The following BIRC6 variants were observed in gnomAD, a reference collection of about 807,000 sequenced individuals.
BIRC6 encodes dual E2 ubiquitin-conjugating enzyme/E3 ubiquitin-protein ligase BIRC6.
BIRC6 carries 98 observed loss-of-function variants against 503.3 expected under a neutral mutation model. That is an observed-to-expected ratio of 0.19 (90% CI 0.17 to 0.23). The LOEUF is 0.23. Among genes scored for constraint, BIRC6 ranks in the 10% least tolerant of loss-of-function variants. The pLI, the probability that BIRC6 is intolerant of heterozygous loss-of-function variation, is 1.00. For synonymous variants in BIRC6, 2,240 were observed against 2,078.7 expected, an observed-to-expected ratio of 1.08 and a Z score of -2.11; for missense variants, 5,360 against 5,806.0, an observed-to-expected ratio of 0.92 and a Z score of 2.50.
intron 61 of BIRC6, among the ~76,000 whole-genome samples, chr2:32,536,627 A>T (rs1337366969): frequency 2.6e-5 from 4 of 152,116 alleles, no homozygotes; most frequent in Non-Finnish European, 4.4e-5. Flanking sequence ...GATATGTGGC[A>T]TTATTTCTGA....
intron 50 of BIRC6, among the ~76,000 whole-genome samples, chr2:32,507,402 C>G (rs548019714): frequency 5.1e-4 from 78 of 152,250 alleles, no homozygotes; most frequent in African/African-American, 1.7e-3. Context: ...TGCACTCACT[C>G]CAGCCTGGGC....
intron 26 of BIRC6, 107 bp from the exon 27 acceptor site, chr2:32,467,418 T>C (rs1470311907): frequency 5.8e-6 from 5 of 856,486 alleles, no homozygotes; most frequent in Non-Finnish European, 7.4e-6. Flanking sequence ...ATTTATAGTT[T>C]AGTGAGTTGC....
chr2:32,567,643 TCTTA>T (rs996984111), intron 65 of BIRC6, among the ~76,000 whole-genome samples: 1 of 152,372 alleles, frequency 6.6e-6, no homozygotes, highest in African/African-American at 2.4e-5. Context: ...CTGTTGGTCT[TCTTA>T]CTTCCTATTT....
intron 49 of BIRC6, among the ~76,000 whole-genome samples, chr2:32,504,328 A>T (rs991919439): frequency 6.6e-6 from 1 of 152,024 alleles, no homozygotes; most frequent in African/African-American, 2.4e-5. Flanking sequence ...TAGAATAAAG[A>T]TGATTTTTTT....
In BIRC6 at chr2:32,357,073, C is replaced by T; in HGVS notation, c.-89C>T. ...CCGTCAGCCTCCCTCCGAGTTTGGC[C>T]CCTCCGGCCGGGCGATCGACGTTCC... On this transcript the variant is annotated 5_prime_UTR_variant, in exon 1 of 74. Transcript: ENST00000421745. The surrounding 1 kb of genome is among the most constrained non-coding windows in gnomAD (Gnocchi z 4.9). 5 of 1,199,036 alleles carry T rather than the reference C, an allele frequency of 4.2e-6. No individual in the cohort carries two copies. Among genetic ancestry groups the T allele is most frequent in the Non-Finnish European group, 4.4e-6 (4 of 903,668 alleles). The allele number at this position is 1,199,036 out of a possible 1,614,324, so 74.3% of individuals were successfully genotyped here.
chr2:32,423,000 C>T (rs932458877), intron 10 of BIRC6, among the ~76,000 whole-genome samples: 1 of 152,044 alleles, frequency 6.6e-6, no homozygotes, highest in Non-Finnish European at 1.5e-5. Flanking sequence ...GCAGTGGTGC[C>T]GATCTCAGCT....
In BIRC6 at chr2:32,392,166, A is replaced by G; in HGVS notation, c.951+16A>G. ...TTATCATCAGGTAAAAAAAGAATAT[A>G]AAAAAATACTTTTCTCAGTAGGCCT... On this transcript the variant is annotated intron_variant, in intron 5 of 73. Transcript: ENST00000421745. 1 of 1,505,142 alleles carries G rather than the reference A, an allele frequency of 6.6e-7. No homozygotes were observed. The highest frequency in any genetic ancestry group is 9.0e-7 in the Non-Finnish European group (1 of 1,108,704). 93.2% of individuals were successfully genotyped at this position (1,505,142 alleles called of 1,614,324 possible).
intron 50 of BIRC6, among the ~76,000 whole-genome samples, chr2:32,505,906 C>A (rs2053745693): frequency 1.3e-5 from 2 of 151,760 alleles, no homozygotes; most frequent in African/African-American, 4.8e-5. Context: ...GGCTGGAGTG[C>A]AGTTTTGATA....
chr2:32,510,679 A>C, intron 53 of BIRC6, 45 bp downstream of exon 53: 1 of 1,228,190 alleles, frequency 8.1e-7, no homozygotes, highest in Non-Finnish European at 1.2e-6. Flanking sequence ...CATGCACATA[A>C]TCATGCTATA....
intron 29 of BIRC6, among the ~76,000 whole-genome samples, chr2:32,469,092 G>A (rs2048860722): frequency 6.6e-6 from 1 of 152,076 alleles, no homozygotes; most frequent in African/African-American, 2.4e-5. Flanking sequence ...ACCTAATATA[G>A]AGCTATCATT....
intron 65 of BIRC6, among the ~76,000 whole-genome samples, chr2:32,570,602 G>T (rs566338145): frequency 1.3e-5 from 2 of 151,976 alleles, no homozygotes; most frequent in East Asian, 3.9e-4. Flanking sequence ...GGGTTCAAGC[G>T]ATTCTCCTGC....
chr2:32,463,588 G>T (rs998341340), intron 24 of BIRC6, among the ~76,000 whole-genome samples: 1 of 152,094 alleles, frequency 6.6e-6, no homozygotes, highest in Admixed American at 6.5e-5. Flanking sequence ...ATATTTGAGG[G>T]AATATGATTG....
chr2:32,467,950 C>T lies in BIRC6; in HGVS notation c.5619C>T (p.Ile1873=). Residue 1873 remains isoleucine, a synonymous_variant, in exon 28 of 74, where the codon ATC becomes ATT. Coordinates refer to ENST00000421745, the MANE Select transcript of BIRC6 (RefSeq NM_016252.4). ...GGAGTACAAATGCCAGAGCCAAAAT[C>T]CCATTAGGATTTTACTATGGTCATA... ...RYGSTNARAK[I]PLGFYYGHTY... The T allele has an allele frequency of 2.5e-6, 4 of 1,613,644 alleles. No homozygotes were observed. The highest frequency in any genetic ancestry group is 3.4e-6 in the Non-Finnish European group (4 of 1,179,786).
At chr2:32,358,166 T>C (rs2033471640) in intron 1 of BIRC6, among the ~76,000 whole-genome samples, 1 of 152,166 alleles carries the variant, frequency 6.6e-6, no homozygotes, top group African/African-American at 2.4e-5. Context: ...GTCCCCTTGC[T>C]CGGGGCTTCC....
intron 42 of BIRC6, among the ~76,000 whole-genome samples, chr2:32,489,150 A>G (rs375654182): frequency 9.9e-5 from 15 of 152,170 alleles, no homozygotes; most frequent in Middle Eastern, 6.8e-3. Context: ...GAGTATGGGA[A>G]TGGTGGTAGT....
chr2:32,503,355 A>T (rs531568318), intron 49 of BIRC6, 119 bp downstream of exon 49: 1 of 807,380 alleles, frequency 1.2e-6, no homozygotes, highest in African/African-American at 1.7e-5. Flanking sequence ...AATTACAAAC[A>T]GTTTATTTTA....
At chr2:32,392,862 G>A (rs1278442063) in intron 5 of BIRC6, among the ~76,000 whole-genome samples, 6 of 151,100 alleles carry the variant, frequency 4.0e-5, no homozygotes, top group East Asian at 2.0e-4. Flanking sequence ...GACTGGTCTC[G>A]AACTCCTGCT....
intron 6 of BIRC6, among the ~76,000 whole-genome samples, chr2:32,397,471 T>C (rs1334986397): frequency 6.8e-6 from 1 of 146,462 alleles, no homozygotes; most frequent in East Asian, 2.0e-4. Context: ...AAACTCCATC[T>C]CAAAAAAAAA....
At chr2:32,447,451 C>G (rs1447740565) in intron 21 of BIRC6, among the ~76,000 whole-genome samples, 1 of 138,118 alleles carries the variant, frequency 7.2e-6, no homozygotes, top group African/African-American at 2.6e-5. Context: ...ACCTCCCTCC[C>G]GGACTGGGCG....
Sources: allele counts gnomAD v4.1 joint callset (sites outside exome capture counted in the v4.1 genomes callset), GRCh38; gene constraint gnomAD v4.1.1; non-coding constraint Gnocchi (gnomAD v3.1); transcripts MANE v1.5; gene names NCBI Gene and HGNC (gene_info 2026-07-23, HGNC 2026-07-21).